The following SLC16A2 variants were observed in gnomAD, a reference collection of about 807,000 sequenced individuals.
SLC16A2 encodes monocarboxylate transporter 8.
A neutral mutation model predicts 27.2 loss-of-function variants in SLC16A2; 3 were observed. The ratio of observed to expected loss-of-function variants is 0.11; its 90% confidence interval spans 0.05 to 0.28. SLC16A2 has a LOEUF of 0.28. Among genes scored for constraint, SLC16A2 ranks in the 10% least tolerant of loss-of-function variants. The probability of loss-of-function intolerance (pLI) is 1.00; values close to 1 mark genes in which losing one functional copy is unlikely to be tolerated. For missense variants in SLC16A2, 295 were observed against 458.5 expected (o/e 0.64, Z 3.26); for synonymous variants, 202 against 187.8 (o/e 1.08, Z -0.62).
chrX:74,499,464 T>C (rs1929990552), intron 1 of SLC16A2, among the ~76,000 whole-genome samples: 1 of 107,920 alleles, frequency 9.3e-6, no homozygotes, highest in African/African-American at 3.4e-5. Context: ...TCTTTTTTTT[T>C]TTTTTTCCAG....
chrX:74,438,501 C>T (rs1662226251), intron 1 of SLC16A2, among the ~76,000 whole-genome samples: 1 of 112,730 alleles, frequency 8.9e-6, no homozygotes, highest in African/African-American at 3.2e-5. Context: ...GATCTTAAGC[C>T]TGAACTCATG....
intron 1 of SLC16A2, among the ~76,000 whole-genome samples, chrX:74,438,960 G>T (rs1337016006): frequency 1.8e-5 from 2 of 111,621 alleles, no homozygotes; most frequent in African/African-American, 6.5e-5. Flanking sequence ...TGTTTGCAAA[G>T]AGCTGACAGC....
intron 2 of SLC16A2, among the ~76,000 whole-genome samples, chrX:74,522,793 T>C (rs1287035630): frequency 1.8e-5 from 2 of 111,647 alleles, no homozygotes; most frequent in African/African-American, 3.3e-5. Flanking sequence ...GTTCTTTCTG[T>C]AAGAGGATCT....
chrX:74,497,033 C>T (rs1929950035), intron 1 of SLC16A2, among the ~76,000 whole-genome samples: 1 of 112,052 alleles, frequency 8.9e-6, no homozygotes, highest in Admixed American at 9.4e-5. Flanking sequence ...TGATCTGCTC[C>T]TCTGGACGTC....
At chrX:74,461,778 C>A (rs1314502941) in intron 1 of SLC16A2, among the ~76,000 whole-genome samples, 1 of 111,735 alleles carries the variant, frequency 8.9e-6, no homozygotes. Flanking sequence ...GAAAGGCATT[C>A]CAGCTCTTAG....
rs746370459 is a variant in SLC16A2, at chrX:74,476,010, C to A, written c.431-44980C>A. ...AACTTTAAAGTAGTTTTTTCCAATT[C>A]TGTGAAGAAAGTCATTGGTAGCTTG... On this transcript the variant is annotated intron_variant, in intron 1 of 5. Transcript: ENST00000587091. Among the ~76,000 whole-genome samples, 124 of 111,286 alleles carry A rather than the reference C, an allele frequency of 1.1e-3. No individual in the cohort carries two copies. The Middle Eastern group carries it at 0.014, about 12-fold the overall frequency.
At chrX:74,507,543 A>T (rs1211872444) in intron 1 of SLC16A2, among the ~76,000 whole-genome samples, 1 of 112,091 alleles carries the variant, frequency 8.9e-6, no homozygotes, top group Non-Finnish European at 1.9e-5. Flanking sequence ...AAGGAAAATA[A>T]ATCATTATAC....
chrX:74,429,327 G>A (rs1253952495), intron 1 of SLC16A2, among the ~76,000 whole-genome samples: 1 of 110,681 alleles, frequency 9.0e-6, no homozygotes, highest in Non-Finnish European at 1.9e-5. Flanking sequence ...TAAAAACTAG[G>A]CTGGCATAGT....
intron 1 of SLC16A2, among the ~76,000 whole-genome samples, chrX:74,518,244 G>A (rs183963291): frequency 1.8e-5 from 2 of 112,233 alleles, no homozygotes; most frequent in East Asian, 2.8e-4. Flanking sequence ...CACCAGCAGC[G>A]TATTACATTT....
In SLC16A2 at chrX:74,532,433, A is replaced by G. The variant is rs1189588016; in HGVS notation, c.*880A>G. 1 of 112,227 alleles carries G rather than the reference A, an allele frequency of 8.9e-6. No individual in the cohort carries two copies. The highest frequency in any genetic ancestry group is 3.3e-5 in the African/African-American group (1 of 30,734). 9.2% of individuals were successfully genotyped at this position (112,227 alleles called of 1,213,427 possible). On this transcript the variant is annotated 3_prime_UTR_variant, in exon 6 of 6. Transcript: ENST00000587091. ...ATGTTCCAGTCACTGATTTTTACAA[A>G]TCTTACAGTCCAAGGCATTAACCTC...
At chrX:74,427,820 C>G (rs1394392215) in intron 1 of SLC16A2, among the ~76,000 whole-genome samples, 1 of 109,082 alleles carries the variant, frequency 9.2e-6, no homozygotes, top group African/African-American at 3.3e-5. Flanking sequence ...CGCACACACA[C>G]ACACACACAC....
At chrX:74,529,611 C>A (rs1267611125) in intron 5 of SLC16A2, among the ~76,000 whole-genome samples, 170 bp downstream of exon 5, 1 of 111,371 alleles carries the variant, frequency 9.0e-6, no homozygotes, top group African/African-American at 3.3e-5. Context: ...AGATTAAACA[C>A]AGTACACACG....
intron 1 of SLC16A2, among the ~76,000 whole-genome samples, chrX:74,440,961 G>A (rs746530388): frequency 9.0e-6 from 1 of 111,167 alleles, no homozygotes; most frequent in Non-Finnish European, 1.9e-5. Flanking sequence ...CATGTGTAAC[G>A]AGACCTACAC....
chrX:74,439,346 G>A (rs1476803346), intron 1 of SLC16A2, among the ~76,000 whole-genome samples: 3 of 92,548 alleles, frequency 3.2e-5, no homozygotes, highest in Non-Finnish European at 6.2e-5. Context: ...GCCTCACTCT[G>A]TTGCCCAGGC....
chrX:74,473,781 C>T (rs991384030), intron 1 of SLC16A2: 1 of 623,942 alleles, frequency 1.6e-6, no homozygotes, highest in Non-Finnish European at 2.7e-6. Flanking sequence ...AATCCAAAGC[C>T]CCTGGAGGGC....
chrX:74,520,912 G>C, intron 1 of SLC16A2, 78 bp from the exon 2 acceptor site: 1 of 1,112,807 alleles, frequency 9.0e-7, no homozygotes, highest in South Asian at 1.8e-5. Flanking sequence ...AAAGGCCAGA[G>C]AAGAAGAGCT....
At chrX:74,442,314 C>A (rs186893218) in intron 1 of SLC16A2, among the ~76,000 whole-genome samples, 1 of 110,035 alleles carries the variant, frequency 9.1e-6, no homozygotes, top group Non-Finnish European at 1.9e-5. Flanking sequence ...TAGCGTTGGC[C>A]GAGGAATTGG....
chrX:74,458,077 A>T (rs1929067702), intron 1 of SLC16A2, among the ~76,000 whole-genome samples: 2 of 112,083 alleles, frequency 1.8e-5, no homozygotes, highest in South Asian at 3.7e-4. Context: ...ATCCTCTTCA[A>T]CACATTACAT....
chrX:74,449,773 T>C lies in SLC16A2; in HGVS notation c.430+27706T>C, dbSNP rs1249147634. Among the ~76,000 whole-genome samples the C allele has an allele frequency of 2.7e-5, 3 of 111,984 alleles. No homozygotes were observed. The East Asian group carries it at 8.4e-4, about 31-fold the overall frequency. On this transcript the variant is annotated intron_variant, in intron 1 of 5. Transcript: ENST00000587091. The stretch of plus-strand genomic sequence containing the variant: ...GCACTGGCTCAGTGCCAACAGGCTG[T>C]GGTTTCTCTAACTGTAAAGGCCTTG...
Sources: allele counts gnomAD v4.1 joint callset (sites outside exome capture counted in the v4.1 genomes callset), GRCh38; gene constraint gnomAD v4.1.1; transcripts MANE v1.5; gene names NCBI Gene and HGNC (gene_info 2026-07-23, HGNC 2026-07-21).